SAFB2: variants seen among roughly 807,000 people sequenced by gnomAD.
SAFB2 encodes the protein scaffold attachment factor B2.
A neutral mutation model predicts 100.6 loss-of-function variants in SAFB2; 32 were observed. The observed-to-expected ratio is 0.32, with a 90% CI of 0.24 to 0.43. The LOEUF (loss-of-function observed/expected upper bound fraction) is 0.43. SAFB2 is among the 20% of genes least tolerant of loss of function. The pLI is 1.00. For missense variants in SAFB2, 1,185 were observed against 1,163.4 expected, an observed-to-expected ratio of 1.02 and a Z score of -0.27; for synonymous variants, 500 against 439.4, an observed-to-expected ratio of 1.14 and a Z score of -1.72.
chr19:5,592,536 T>C (rs10417622), intron 16 of SAFB2, among the ~76,000 whole-genome samples: 16,652 of 152,192 alleles, frequency 0.11, 1,238 homozygotes, highest in African/African-American at 0.21. Context: ...GTGGATGGAA[T>C]GAGCTCTGAG....
chr19:5,611,871 C>T (rs1002540131), intron 6 of SAFB2: 1 of 673,976 alleles, frequency 1.5e-6, no homozygotes, highest in African/African-American at 1.8e-5. Context: ...TAAACACCTA[C>T]AACCACGCGG....
At chr19:5,616,034 A>G (rs1599277342) in intron 4 of SAFB2, 98 bp downstream of exon 4, 2 of 1,078,854 alleles carry the variant, frequency 1.9e-6, no homozygotes, top group East Asian at 2.4e-5. Flanking sequence ...CTGTGTGTTC[A>G]TGGCGGTTTA....
In SAFB2 at chr19:5,587,553, A is replaced by G; in HGVS notation, c.2705+148T>C. 1 of 1,459,406 alleles carries G rather than the reference A, an allele frequency of 6.9e-7. No homozygotes were observed. 90.4% of individuals were successfully genotyped at this position (1,459,406 alleles called of 1,614,324 possible). A position where few individuals can be genotyped will look rare whatever the true frequency, so the allele number is the denominator to read the frequency against. Reference sequence around the variant, plus strand: ...TCGCACATTGTATTCCAGGTAACTCAAGAGCGTTATTTGCATAAATTGCAA... The same window carrying G: ...TCGCACATTGTATTCCAGGTAACTCGAGAGCGTTATTTGCATAAATTGCAA... On this transcript the variant is annotated intron_variant, in intron 20 of 20. Transcript: ENST00000252542. This position sits in a 1 kb window ranked among gnomAD's most constrained non-coding sequence, Gnocchi z 4.9.
At chr19:5,620,818 G>A (rs551951933) in intron 2 of SAFB2, among the ~76,000 whole-genome samples, 3 of 151,946 alleles carry the variant, frequency 2.0e-5, no homozygotes, top group East Asian at 3.8e-4. Flanking sequence ...TGAATTTAAC[G>A]GTCTGTGAAT....
At chr19:5,621,703 T>G (rs2053153301) in intron 1 of SAFB2, among the ~76,000 whole-genome samples, 1 of 152,200 alleles carries the variant, frequency 6.6e-6, no homozygotes, top group Non-Finnish European at 1.5e-5. Context: ...AGTTATATGA[T>G]GGGACAAATT....
chr19:5,617,401 A>G (rs1261993141), intron 2 of SAFB2, among the ~76,000 whole-genome samples: 2 of 152,226 alleles, frequency 1.3e-5, no homozygotes, highest in East Asian at 3.8e-4. Flanking sequence ...GAGGAGTTCA[A>G]GAGTGGAAAC....
intron 17 of SAFB2, among the ~76,000 whole-genome samples, chr19:5,590,780 T>C (rs1290795502): frequency 2.0e-5 from 3 of 152,042 alleles, no homozygotes; most frequent in Non-Finnish European, 1.5e-5. Flanking sequence ...TCAGCCCCCC[T>C]GTGCTCTGGC....
At chr19:5,601,042 C>T (rs1021932251) in intron 11 of SAFB2, among the ~76,000 whole-genome samples, 1 of 152,172 alleles carries the variant, frequency 6.6e-6, no homozygotes, top group Non-Finnish European at 1.5e-5. Context: ...CTCCTCCAAC[C>T]GACCCAGGCA....
chr19:5,588,151 T>C (rs1428294177), intron 18 of SAFB2, among the ~76,000 whole-genome samples, 171 bp from the exon 19 acceptor site: 2 of 152,010 alleles, frequency 1.3e-5, no homozygotes, highest in Non-Finnish European at 2.9e-5. Flanking sequence ...ACAGATGTGC[T>C]AGTAAGCACG....
intron 8 of SAFB2, 106 bp from the exon 9 acceptor site, chr19:5,610,201 C>G (rs895326175): frequency 2.4e-6 from 2 of 827,520 alleles, no homozygotes; most frequent in Non-Finnish European, 4.0e-6. Context: ...CGCCCAATCC[C>G]AACTGCTGAC....
intron 17 of SAFB2, among the ~76,000 whole-genome samples, chr19:5,590,973 C>T (rs2052385658): frequency 6.6e-6 from 1 of 152,220 alleles, no homozygotes; most frequent in Admixed American, 6.5e-5. Flanking sequence ...ACCCGCATGG[C>T]ACCACAGAGA....
At chr19:5,590,558 C>T in intron 17 of SAFB2, 150 bp from the exon 18 acceptor site, 1 of 856,648 alleles carries the variant, frequency 1.2e-6, no homozygotes, top group Non-Finnish European at 1.7e-6. Flanking sequence ...CTGCTGGGCC[C>T]TGCTTCACTG....
chr19:5,590,892 C>T (rs2052383407), intron 17 of SAFB2, among the ~76,000 whole-genome samples: 1 of 152,208 alleles, frequency 6.6e-6, no homozygotes, highest in Admixed American at 6.5e-5. Context: ...CATTACTCTG[C>T]CGCCCACCTC....
At chr19:5,611,895 GTCT>G (rs2052915814) in intron 6 of SAFB2, 6 of 588,644 alleles carry the variant, frequency 1.0e-5, no homozygotes, top group Non-Finnish European at 1.8e-5. Flanking sequence ...GTTCTCAATA[GTCT>G]TCTTCGAGTT....
In SAFB2 at chr19:5,610,028, C is replaced by T. The variant is rs375863991; in HGVS notation, c.1263G>A (p.Thr421=). 13 of 1,614,012 alleles carry T rather than the reference C, an allele frequency of 8.1e-6. No homozygotes were observed. Among genetic ancestry groups the T allele is most frequent in the Middle Eastern group, 1.6e-4 (1 of 6,084 alleles). ...VSGLSSTTRA[T]DLKNLFSKYG... ...ACTTGCTGAAAAGGTTCTTGAGATC[C>T]GTAGCGCGTGTTGTGGAGGACAGCC... is the stretch of plus-strand genomic sequence containing the variant. Residue 421 remains threonine (T), a synonymous_variant, in exon 9 of 21, where the codon ACG becomes ACA. Coordinates refer to ENST00000252542, the MANE Select transcript of SAFB2 (RefSeq NM_014649.3).
chr19:5,587,181 G>A lies in SAFB2; in HGVS notation c.*62C>T. On this transcript the variant is annotated 3_prime_UTR_variant, in exon 21 of 21. Transcript: ENST00000252542. This position sits in a 1 kb window ranked among gnomAD's most constrained non-coding sequence, Gnocchi z 4.9. ...TTAAAAAGATCCCCCAAGTTCGAGG[G>A]AACCCTGGCTACCAGATTCAACAGT... 1.3e-6 allele frequency: 2 copies of A among 1,585,556 alleles called. No homozygotes were observed. Among genetic ancestry groups the A allele is most frequent in the Non-Finnish European group, 1.7e-6 (2 of 1,158,818 alleles).
At chr19:5,597,141 A>C (rs938800830) in intron 13 of SAFB2, among the ~76,000 whole-genome samples, 2 of 152,208 alleles carry the variant, frequency 1.3e-5, no homozygotes, top group African/African-American at 4.8e-5. Context: ...AGCAGGCAAC[A>C]GTGTCAGCAC....
At position 5,604,945 on chromosome 19, in the gene SAFB2, A is replaced by C. The variant is rs760880299; in HGVS notation, c.1297-9T>G. On this transcript the variant is annotated splice_polypyrimidine_tract_variant and intron_variant, in intron 9 of 20. Transcript: ENST00000252542. ...ACTTTGGCCCCGACAACCTTCATGA[A>C]AAAGGGCACTCTTACTCTCTCATAC... is the stretch of plus-strand genomic sequence containing the variant. 9.3e-6 allele frequency: 15 copies of C among 1,611,324 alleles called. No individual in the cohort carries two copies. The highest frequency in any genetic ancestry group is 1.3e-5 in the Non-Finnish European group (15 of 1,179,874).
intron 11 of SAFB2, among the ~76,000 whole-genome samples, chr19:5,601,015 C>T (rs1483461219): frequency 1.3e-5 from 2 of 152,204 alleles, no homozygotes; most frequent in Non-Finnish European, 2.9e-5. Flanking sequence ...GGCCCTCCAG[C>T]AAGCACCTGT....
Sources: gnomAD v4.1 joint callset for allele counts (sites outside exome capture counted in the v4.1 genomes callset) on GRCh38, gnomAD v4.1.1 for gene constraint, Gnocchi (gnomAD v3.1) non-coding constraint, MANE v1.5 for transcripts, NCBI Gene and HGNC (gene_info 2026-07-23, HGNC 2026-07-21) for gene names.